Variants in OR2L13 observed in about 807,000 individuals in gnomAD.
OR2L13 encodes olfactory receptor 2L13.
A neutral mutation model predicts 15.3 loss-of-function variants in OR2L13; 14 were observed. That is an observed-to-expected ratio of 0.91 (90% CI 0.60 to 1.43). The LOEUF is 1.43. Among genes scored for constraint, OR2L13 ranks in the 40% most tolerant of loss-of-function variants. OR2L13 has a pLI of 0.00. For synonymous variants in OR2L13, 152 were observed against 142.9 expected (o/e 1.06, Z -0.45); for missense variants, 367 against 387.9 (o/e 0.95, Z 0.45).
At chr1:247,992,798 T>A in the OR2L13 span, among the ~76,000 whole-genome samples, 1 of 150,676 alleles carries the variant, frequency 6.6e-6, no homozygotes, top group African/African-American at 2.5e-5. Flanking sequence ...CTAGGTTGAT[T>A]GTAGGTCTTT....
the OR2L13 span, among the ~76,000 whole-genome samples, chr1:247,968,093 A>T: frequency 6.6e-6 from 1 of 152,112 alleles, no homozygotes; most frequent in Non-Finnish European, 1.5e-5. Flanking sequence ...TGTGTGTAAA[A>T]AGCATATATG....
At chr1:247,950,858 C>T in the OR2L13 span, among the ~76,000 whole-genome samples, 2 of 151,864 alleles carry the variant, frequency 1.3e-5, no homozygotes, top group African/African-American at 2.4e-5. Flanking sequence ...GTGACTGTAG[C>T]AAACAATAAT....
chr1:248,070,600 G>A, the OR2L13 span, among the ~76,000 whole-genome samples: 1 of 152,100 alleles, frequency 6.6e-6, no homozygotes, highest in Non-Finnish European at 1.5e-5. Context: ...TCAAACGCTA[G>A]CAGAAGGCAA....
At chr1:248,007,963 T>C in the OR2L13 span, among the ~76,000 whole-genome samples, 2 of 152,176 alleles carry the variant, frequency 1.3e-5, no homozygotes, top group African/African-American at 4.8e-5. Flanking sequence ...TCCACAAATA[T>C]GCTGACTCAG....
chr1:247,940,454 G>A, the OR2L13 span, among the ~76,000 whole-genome samples: 432 of 152,186 alleles, frequency 2.8e-3, 2 homozygotes, highest in African/African-American at 9.6e-3. Flanking sequence ...ATATCATAAA[G>A]TATTTAACAA....
chr1:247,959,270 C>T, the OR2L13 span, among the ~76,000 whole-genome samples: 13 of 152,154 alleles, frequency 8.5e-5, no homozygotes, highest in Admixed American at 4.6e-4. Context: ...GAATATTGGC[C>T]CCCACTCTCT....
chr1:248,022,335 C>T, the OR2L13 span: 1 of 1,614,162 alleles, frequency 6.2e-7, no homozygotes. Context: ...CTTTCCTCTC[C>T]ACTATCCCAT....
chr1:248,052,583 T>C, the OR2L13 span, among the ~76,000 whole-genome samples: 6 of 151,986 alleles, frequency 3.9e-5, no homozygotes, highest in Non-Finnish European at 7.4e-5. Flanking sequence ...AAAAAAAAAT[T>C]AGCTGGGCGT....
the OR2L13 span, among the ~76,000 whole-genome samples, chr1:248,029,445 T>A: frequency 7.1e-6 from 1 of 141,830 alleles, no homozygotes; most frequent in Non-Finnish European, 1.5e-5. Context: ...TGAATAAAAA[T>A]TTAATTAAAT....
At chr1:248,074,173 T>C in the OR2L13 span, among the ~76,000 whole-genome samples, 2 of 152,150 alleles carry the variant, frequency 1.3e-5, no homozygotes, top group Non-Finnish European at 2.9e-5. Flanking sequence ...GATATAAAGA[T>C]ACTTTTCTTA....
chr1:247,966,813 A>G, the OR2L13 span, among the ~76,000 whole-genome samples: 1 of 152,206 alleles, frequency 6.6e-6, no homozygotes, highest in South Asian at 2.1e-4. Context: ...TTTCTTTAAG[A>G]AAATCCAGTG....
At chr1:248,065,412 CTT>C in the OR2L13 span, among the ~76,000 whole-genome samples, 1 of 146,446 alleles carries the variant, frequency 6.8e-6, no homozygotes, top group Admixed American at 6.8e-5. Flanking sequence ...GAGTATCTTT[CTT>C]TTTTTTTTGC....
the OR2L13 span, among the ~76,000 whole-genome samples, chr1:247,999,731 A>G: frequency 0.07 from 10,640 of 152,108 alleles, 425 homozygotes; most frequent in East Asian, 0.16. Context: ...GACATTCTAG[A>G]CAAGTGCTGT....
the OR2L13 span, chr1:248,041,848 C>T: frequency 3.9e-5 from 6 of 152,056 alleles, no homozygotes; most frequent in Non-Finnish European, 7.4e-5. Flanking sequence ...ATCATTAAAA[C>T]GTCAGGAAAC....
chr1:248,048,261 T>C, the OR2L13 span, among the ~76,000 whole-genome samples: 4 of 152,232 alleles, frequency 2.6e-5, no homozygotes, highest in African/African-American at 7.2e-5. Context: ...TTATATTCTT[T>C]ACTCCTTTAC....
chr1:248,036,441 T>A, the OR2L13 span, among the ~76,000 whole-genome samples: 3 of 152,194 alleles, frequency 2.0e-5, 1 homozygote, highest in African/African-American at 7.2e-5. Flanking sequence ...TAGGAATTCT[T>A]AATTTTAAAA....
At chr1:248,041,256 G>C in the OR2L13 span, 1 of 152,040 alleles carries the variant, frequency 6.6e-6, no homozygotes, top group Non-Finnish European at 1.5e-5. Context: ...CAAGCAATGG[G>C]GAAAGGATTC....
At chr1:248,008,319 A>G in the OR2L13 span, among the ~76,000 whole-genome samples, 1 of 152,140 alleles carries the variant, frequency 6.6e-6, no homozygotes, top group African/African-American at 2.4e-5. Flanking sequence ...TCTATAATTT[A>G]TCATTCTTTG....
the OR2L13 span, among the ~76,000 whole-genome samples, chr1:248,010,413 T>G: frequency 6.6e-6 from 1 of 152,108 alleles, no homozygotes; most frequent in East Asian, 1.9e-4. Context: ...TGATTTGGGG[T>G]GGAGAGTACT....
Sources: allele counts gnomAD v4.1 joint callset (sites outside exome capture counted in the v4.1 genomes callset), GRCh38; gene constraint gnomAD v4.1.1; transcripts MANE v1.5; gene names NCBI Gene and HGNC (gene_info 2026-07-23, HGNC 2026-07-21).